The following EPHA8 variants were observed in gnomAD, a reference collection of about 807,000 sequenced individuals.
EPHA8 encodes EPH receptor A8, also known as ephrin type-A receptor 8.
A neutral mutation model predicts 103.6 loss-of-function variants in EPHA8; 58 were observed. The ratio of observed to expected loss-of-function variants is 0.56; its 90% CI spans 0.45 to 0.70. EPHA8 has a LOEUF of 0.70. Among genes scored for constraint, EPHA8 ranks in the 30% least tolerant of loss-of-function variants. The pLI is 0.00. For missense variants in EPHA8, 1,304 were observed against 1,395.2 expected, an observed-to-expected ratio of 0.93 and a Z score of 1.04; for synonymous variants, 559 against 572.5, an observed-to-expected ratio of 0.98 and a Z score of 0.34.
chr1:22,579,369 G>T (rs1640974020), intron 3 of EPHA8, among the ~76,000 whole-genome samples: 1 of 150,872 alleles, frequency 6.6e-6, no homozygotes, highest in African/African-American at 2.4e-5. Context: ...GTGTATGTGT[G>T]CATGAGTGTA....
In EPHA8 at chr1:22,598,730, C is replaced by T; in HGVS notation, c.2179-108C>T. 1.7e-6 allele frequency: 2 copies of T among 1,168,722 alleles called. No homozygotes were observed. Among genetic ancestry groups the T allele is most frequent in the Non-Finnish European group, 2.4e-6 (2 of 826,536 alleles). 72.4% of individuals were successfully genotyped at this position (1,168,722 alleles called of 1,614,324 possible). A position where few individuals can be genotyped will look rare whatever the true frequency, so the allele number is the denominator to read the frequency against. ...AAGTAGTGGCGCACTTGGCAAATTG[C>T]AAAGCACCGTCTCAACTCGAGAGCA... On this transcript the variant is annotated intron_variant, in intron 12 of 16. Transcript: ENST00000166244. This position sits in a 1 kb window ranked among gnomAD's most constrained non-coding sequence, Gnocchi z 5.1.
rs778263931 is a variant in EPHA8 at position 22,598,119 on chromosome 1, C to G, written c.2117-32C>G. 6.2e-7 allele frequency: 1 copy of G among 1,611,538 alleles called. No homozygotes were observed. The highest frequency in any genetic ancestry group is 8.5e-7 in the Non-Finnish European group (1 of 1,178,442). ...TGATCAGCAGCCCTGAGCCCCAAAC[C>G]AAGAGCCACCCTCTCCCTACTGCCC... On this transcript the variant is annotated intron_variant, in intron 11 of 16. Coordinates refer to ENST00000166244, the MANE Select transcript of EPHA8 (RefSeq NM_020526.5). This position sits in a 1 kb window ranked among gnomAD's most constrained non-coding sequence, Gnocchi z 5.1.
chr1:22,582,814 CA>C (rs1641082045), intron 3 of EPHA8, among the ~76,000 whole-genome samples: 2 of 152,238 alleles, frequency 1.3e-5, no homozygotes, highest in African/African-American at 4.8e-5. Flanking sequence ...AGCAGCAGCT[CA>C]GAGTCTGAAG....
rs560791662 is a variant in EPHA8, at chr1:22,593,677, G to C, written c.1594G>C (p.Gly532Arg). 555 of 1,594,892 alleles carry C rather than the reference G, an allele frequency of 3.5e-4. 9 individuals are homozygous for C. In the South Asian group the frequency reaches 6.0e-3, roughly 17 times the overall value. The change falls in exon 7 of 17, where the codon GGG becomes CGG. Residue 532 changes from glycine to arginine, a missense_variant. Gly to Arg is a moderately radical substitution (Grantham distance 125, BLOSUM62 -2). Coordinates refer to ENST00000166244, the MANE Select transcript of EPHA8 (RefSeq NM_020526.5). ...RFSQAMEVET[G>R]KPRPRYDTRT... ...CAGCCAGGCCATGGAGGTGGAGACC[G>C]GGAAACCCCGTGAGTGCAGGGAGGG...
chr1:22,572,583 T>C (rs978812671), intron 2 of EPHA8, among the ~76,000 whole-genome samples: 1 of 152,222 alleles, frequency 6.6e-6, no homozygotes, highest in Non-Finnish European at 1.5e-5. Flanking sequence ...TTTAGGTAAG[T>C]GGGCAGGTTA....
At chr1:22,591,228 A>G (rs1641363879) in intron 5 of EPHA8, among the ~76,000 whole-genome samples, 2 of 151,860 alleles carry the variant, frequency 1.3e-5, no homozygotes, top group South Asian at 4.2e-4. Flanking sequence ...CATCTCTACA[A>G]AAAAAATTTT....
chr1:22,578,212 G>T (rs1021296612), intron 3 of EPHA8, among the ~76,000 whole-genome samples: 1 of 126,100 alleles, frequency 7.9e-6, no homozygotes, highest in African/African-American at 2.9e-5. Flanking sequence ...GCGAGTGTGT[G>T]CGTGTGAGTG....
chr1:22,590,764 T>G (rs1214489505), intron 5 of EPHA8, among the ~76,000 whole-genome samples: 1 of 152,082 alleles, frequency 6.6e-6, no homozygotes, highest in Non-Finnish European at 1.5e-5. Flanking sequence ...TCCACCTTTG[T>G]GCTAACAACC....
At chr1:22,574,828 T>C (rs1202419896) in intron 2 of EPHA8, among the ~76,000 whole-genome samples, 1 of 152,236 alleles carries the variant, frequency 6.6e-6, no homozygotes, top group Non-Finnish European at 1.5e-5. Flanking sequence ...CTAGATCATA[T>C]GGTAATTCTA....
intron 8 of EPHA8, 120 bp downstream of exon 8, chr1:22,595,443 C>A: frequency 1.4e-6 from 1 of 700,976 alleles, no homozygotes; most frequent in Non-Finnish European, 2.5e-6. Context: ...CTTACAAACA[C>A]ACCACCTCAT....
intron 14 of EPHA8, 43 bp downstream of exon 14, chr1:22,600,853 A>G (rs1458567386): frequency 6.3e-7 from 1 of 1,588,740 alleles, no homozygotes; most frequent in Non-Finnish European, 8.6e-7. Flanking sequence ...GTGGAGCCTC[A>G]GGGTGCAGGG....
chr1:22,578,293 TGA>T (rs1337877318), intron 3 of EPHA8, among the ~76,000 whole-genome samples: 3 of 149,806 alleles, frequency 2.0e-5, no homozygotes, highest in South Asian at 2.1e-4. Flanking sequence ...TACGTGTGCA[TGA>T]GTCTATGCCT....
At chr1:22,572,026 AAAAAAT>A (rs1436121031) in intron 2 of EPHA8, among the ~76,000 whole-genome samples, 1 of 152,218 alleles carries the variant, frequency 6.6e-6, no homozygotes, top group Non-Finnish European at 1.5e-5. Flanking sequence ...ATCTTGTCTC[AAAAAAT>A]AAAAATAAAA....
chr1:22,599,612 AG>A (rs1641621142), intron 13 of EPHA8, among the ~76,000 whole-genome samples: 1 of 116,482 alleles, frequency 8.6e-6, no homozygotes, highest in African/African-American at 3.7e-5. Context: ...AGAGGGAGGG[AG>A]GGAGGAAGAA....
At position 22,601,637 on chromosome 1, in the gene EPHA8, GC is replaced by G; in HGVS notation, c.2917del (p.Leu973TrpfsTer23). On this transcript the variant is annotated frameshift_variant, in exon 17 of 17. Coordinates refer to ENST00000166244, the MANE Select transcript of EPHA8 (RefSeq NM_020526.5). LOFTEE classifies it high-confidence loss of function. ...VLRMNAQDVR[A>X]LGITLMGHQK... ...ACCCTTCCTTCACAGGGACGTGCGCGCCCTGGGCATCACCCTCATGGGCCAC... is the reference window on the plus strand; with the variant it reads ...ACCCTTCCTTCACAGGGACGTGCGCGCCTGGGCATCACCCTCATGGGCCAC... The G allele has an allele frequency of 6.3e-7, 1 of 1,592,420 alleles. No homozygotes were observed. Among genetic ancestry groups the G allele is most frequent in the Non-Finnish European group, 8.5e-7 (1 of 1,169,786 alleles).
chr1:22,576,600 C>T lies in EPHA8; in HGVS notation c.543C>T (p.Phe181=). The T allele has an allele frequency of 6.2e-7, 1 of 1,614,098 alleles. No homozygotes were observed. Among genetic ancestry groups the T allele is most frequent in the South Asian group, 1.1e-5 (1 of 91,084 alleles). Residue 181 remains phenylalanine (F), a synonymous_variant, in exon 3 of 17, where the codon TTC becomes TTT. Transcript: ENST00000166244. This position sits in a 1 kb window ranked among gnomAD's most constrained non-coding sequence, Gnocchi z 4.8. ...TGGGTCCCCTCAGCAAGCGCGGCTT[C>T]TACCTGGCCTTCCAGGACATAGGTG... ...RSVGPLSKRG[F]YLAFQDIGAC...
At chr1:22,584,060 CGTT>C (rs888752439) in intron 3 of EPHA8, among the ~76,000 whole-genome samples, 7 of 152,220 alleles carry the variant, frequency 4.6e-5, no homozygotes, top group African/African-American at 1.4e-4. Context: ...AGATGCTAAT[CGTT>C]GTGGATTGGA....
At chr1:22,594,955 C>T (rs966107867) in intron 7 of EPHA8, among the ~76,000 whole-genome samples, 13 of 152,318 alleles carry the variant, frequency 8.5e-5, no homozygotes, top group South Asian at 4.1e-4. Flanking sequence ...AGAGGACACG[C>T]GACTCTTCTC....
At chr1:22,579,405 TGA>T (rs1640976096) in intron 3 of EPHA8, among the ~76,000 whole-genome samples, 1 of 150,480 alleles carries the variant, frequency 6.6e-6, no homozygotes, top group African/African-American at 2.5e-5. Context: ...CATGTGTTCA[TGA>T]GTGTATGTAT....
Sources: gnomAD v4.1 joint callset for allele counts (sites outside exome capture counted in the v4.1 genomes callset) on GRCh38, gnomAD v4.1.1 for gene constraint, Gnocchi (gnomAD v3.1) non-coding constraint, MANE v1.5 for transcripts, NCBI Gene and HGNC (gene_info 2026-07-23, HGNC 2026-07-21) for gene names.